The following CALN1 variants were observed in gnomAD, a reference collection of about 807,000 sequenced individuals.
CALN1 encodes calneuron 1.
A neutral mutation model predicts 30.6 loss-of-function variants in CALN1; 17 were observed. The ratio of observed to expected loss-of-function variants is 0.56; its 90% confidence interval spans 0.38 to 0.83. The LOEUF (loss-of-function observed/expected upper bound fraction) is 0.83, where lower values mean the gene tolerates loss of function less well. Ranked by LOEUF, CALN1 falls within the 40% of genes least tolerant of loss-of-function variation. The pLI, the probability that CALN1 is intolerant of heterozygous loss-of-function variation, is 0.00. For missense variants in CALN1, 291 were observed against 354.9 expected (o/e 0.82, Z 1.45); for synonymous variants, 156 against 131.4 (o/e 1.19, Z -1.28).
intron 4 of CALN1, among the ~76,000 whole-genome samples, chr7:72,098,550 T>TA (rs1454064290): frequency 1.3e-5 from 2 of 151,514 alleles, no homozygotes; most frequent in African/African-American, 4.9e-5. Flanking sequence ...CAAAGAATAA[T>TA]AAAAAAACTT....
chr7:72,407,661 A>T (rs1806795991), intron 1 of CALN1, among the ~76,000 whole-genome samples: 1 of 152,062 alleles, frequency 6.6e-6, no homozygotes, highest in Non-Finnish European at 1.5e-5. Context: ...GAGCCCATTA[A>T]ACCCCTTTTC....
intron 1 of CALN1, among the ~76,000 whole-genome samples, chr7:72,408,082 T>C (rs142300536): frequency 1.4e-3 from 218 of 152,134 alleles, no homozygotes; most frequent in African/African-American, 5.0e-3. Flanking sequence ...TCAATAAACA[T>C]ATATTGAACA....
intron 5 of CALN1, among the ~76,000 whole-genome samples, chr7:71,891,172 A>G (rs544906882): frequency 6.6e-6 from 1 of 152,306 alleles, no homozygotes; most frequent in South Asian, 2.1e-4. Flanking sequence ...ATAACATAGG[A>G]ACATTCTTGT....
At chr7:72,355,246 C>T (rs931239978) in intron 2 of CALN1, among the ~76,000 whole-genome samples, 2 of 152,216 alleles carry the variant, frequency 1.3e-5, no homozygotes, top group Non-Finnish European at 1.5e-5. Flanking sequence ...CACAAATTGG[C>T]CGGCCGCTGT....
In CALN1 at chr7:72,308,711, T is replaced by A. The variant is rs77693558; in HGVS notation, c.120-29901A>T. ...TTCATTTTTTTTGGTCTCTGCCTTT[T>A]TGCTTCTCCTGTCAGCTGGGACCCT... On this transcript the variant is annotated intron_variant, in intron 2 of 6. Transcript: ENST00000395275. Among the ~76,000 whole-genome samples the A allele has an allele frequency of 6.9e-3, 1,055 of 152,278 alleles. 6 individuals are homozygous for A. Among genetic ancestry groups the A allele is most frequent in the Non-Finnish European group, 0.011 (766 of 68,022 alleles).
intron 5 of CALN1, among the ~76,000 whole-genome samples, chr7:71,907,753 T>C (rs1347931378): frequency 6.6e-6 from 1 of 152,240 alleles, no homozygotes; most frequent in African/African-American, 2.4e-5. Context: ...GATGTAGATA[T>C]CCTTAGGAGA....
chr7:71,825,218 T>C (rs1788841771), intron 5 of CALN1, among the ~76,000 whole-genome samples: 1 of 152,080 alleles, frequency 6.6e-6, no homozygotes, highest in African/African-American at 2.4e-5. Context: ...CTGGTATGGT[T>C]TGGCTGTGTC....
At chr7:72,279,934 T>A (rs909328880) in intron 2 of CALN1, among the ~76,000 whole-genome samples, 1 of 152,176 alleles carries the variant, frequency 6.6e-6, no homozygotes, top group Non-Finnish European at 1.5e-5. Flanking sequence ...AACATCTTTG[T>A]ATCGGAGCTT....
At chr7:72,035,159 C>T (rs1801717560) in intron 4 of CALN1, among the ~76,000 whole-genome samples, 1 of 152,014 alleles carries the variant, frequency 6.6e-6, no homozygotes, top group Non-Finnish European at 1.5e-5. Context: ...TTTAGGTGTG[C>T]AGGTCTAGTA....
chr7:72,342,567 C>T (rs1802433260), intron 2 of CALN1, among the ~76,000 whole-genome samples: 1 of 152,122 alleles, frequency 6.6e-6, no homozygotes, highest in Non-Finnish European at 1.5e-5. Flanking sequence ...CTGGATTTAG[C>T]ATAAGTTCTC....
intron 2 of CALN1, among the ~76,000 whole-genome samples, chr7:72,391,310 T>C (rs1313634972): frequency 1.3e-5 from 2 of 152,152 alleles, no homozygotes; most frequent in Admixed American, 6.6e-5. Context: ...ATAAACACTC[T>C]TCAAACCTAA....
intron 3 of CALN1, among the ~76,000 whole-genome samples, chr7:72,187,688 G>A (rs1790302890): frequency 6.6e-6 from 1 of 152,176 alleles, no homozygotes; most frequent in Non-Finnish European, 1.5e-5. Context: ...TGGTCTAGGT[G>A]ATAGACCCAT....
At chr7:72,020,957 G>C (rs1266981450) in intron 5 of CALN1, among the ~76,000 whole-genome samples, 1 of 152,140 alleles carries the variant, frequency 6.6e-6, no homozygotes, top group Non-Finnish European at 1.5e-5. Flanking sequence ...TTGGCCCTAA[G>C]GATGGAGGTA....
chr7:72,424,122 G>C (rs1417615727), intron 1 of CALN1, among the ~76,000 whole-genome samples: 1 of 152,102 alleles, frequency 6.6e-6, no homozygotes, highest in African/African-American at 2.4e-5. Context: ...CTATCCCTTA[G>C]CAGGAGCCAG....
intron 2 of CALN1, among the ~76,000 whole-genome samples, chr7:72,312,130 G>A (rs13242763): frequency 0.19 from 28,173 of 151,946 alleles, 3,642 homozygotes; most frequent in East Asian, 0.41. Flanking sequence ...CAGGCTGGGC[G>A]CAGTGGCTCA....
chr7:72,086,367 C>T (rs1164749002), intron 4 of CALN1, among the ~76,000 whole-genome samples: 2 of 152,060 alleles, frequency 1.3e-5, no homozygotes, highest in Non-Finnish European at 2.9e-5. Context: ...TTTCGCCTAA[C>T]CCTGGTATTA....
At chr7:72,103,059 G>A (rs764959056) in intron 4 of CALN1, 12 of 127,154 alleles carry the variant, frequency 9.4e-5, no homozygotes, top group South Asian at 2.9e-4. Context: ...GTGACAGAGC[G>A]AGACTCCGTC....
the CALN1 span, among the ~76,000 whole-genome samples, chr7:72,481,971 GAC>G: frequency 6.6e-6 from 1 of 152,030 alleles, no homozygotes; most frequent in Non-Finnish European, 1.5e-5. Context: ...CTCAAATATT[GAC>G]ACAGAGGTAT....
At chr7:72,459,907 G>T in the CALN1 span, among the ~76,000 whole-genome samples, 1 of 152,080 alleles carries the variant, frequency 6.6e-6, no homozygotes, top group African/African-American at 2.4e-5. Context: ...TTAATATAAA[G>T]GCATACTTGG....
Sources: gnomAD v4.1 joint callset for allele counts (sites outside exome capture counted in the v4.1 genomes callset) on GRCh38, gnomAD v4.1.1 for gene constraint, MANE v1.5 for transcripts, NCBI Gene and HGNC (gene_info 2026-07-23, HGNC 2026-07-21) for gene names.